BARX2: variants seen among roughly 807,000 people sequenced by gnomAD.
BARX2 encodes the protein homeobox protein BarH-like 2.
Under a neutral mutation model 25.5 loss-of-function variants are expected in BARX2, and 11 were observed. The observed-to-expected ratio is 0.43, with a 90% CI of 0.27 to 0.71. The LOEUF (loss-of-function observed/expected upper bound fraction) is 0.71. BARX2 is among the 30% of genes least tolerant of loss of function. BARX2 has a pLI of 0.19. For synonymous variants in BARX2, 137 were observed against 149.5 expected (o/e 0.92, Z 0.61); for missense variants, 360 against 359.9 (o/e 1.00, Z 0.00).
intron 1 of BARX2, among the ~76,000 whole-genome samples, chr11:129,431,759 C>A (rs776116998): frequency 6.6e-6 from 1 of 152,062 alleles, no homozygotes; most frequent in Non-Finnish European, 1.5e-5. Context: ...TTTTACAGAG[C>A]AAAAATTGTT....
At chr11:129,385,473 G>T (rs1301159390) in intron 1 of BARX2, among the ~76,000 whole-genome samples, 1 of 152,118 alleles carries the variant, frequency 6.6e-6, no homozygotes, top group African/African-American at 2.4e-5. Flanking sequence ...TAAAATAAAT[G>T]AACCAGATAC....
intron 1 of BARX2, among the ~76,000 whole-genome samples, chr11:129,380,124 C>G (rs1861547101): frequency 1.3e-5 from 2 of 151,974 alleles, no homozygotes; most frequent in African/African-American, 4.8e-5. Context: ...ATGCCACTCT[C>G]CTCCTTGTCA....
chr11:129,414,222 G>A (rs558684932), intron 1 of BARX2, among the ~76,000 whole-genome samples: 90 of 150,494 alleles, frequency 6.0e-4, no homozygotes, highest in African/African-American at 2.0e-3. Flanking sequence ...GGCAAATTGT[G>A]ATTTTTTTCT....
At chr11:129,405,983 G>T (rs961101561) in intron 1 of BARX2, among the ~76,000 whole-genome samples, 1 of 152,038 alleles carries the variant, frequency 6.6e-6, no homozygotes, top group African/African-American at 2.4e-5. Context: ...TTGCTTTATA[G>T]GTACCTATGT....
intron 1 of BARX2, among the ~76,000 whole-genome samples, chr11:129,388,626 G>A (rs568872430): frequency 8.5e-5 from 13 of 152,276 alleles, no homozygotes; most frequent in East Asian, 3.9e-4. Context: ...ATGTCTGGTC[G>A]TTGATTGGCA....
chr11:129,388,093 C>CTG (rs34835803), intron 1 of BARX2, among the ~76,000 whole-genome samples: 115,700 of 146,892 alleles, frequency 0.79, 45,086 homozygotes, highest in East Asian at 0.83. Flanking sequence ...AGGCAACATA[C>CTG]TGTGTGTGTG....
chr11:129,438,239 TTGAAC>T (rs1862215589), intron 2 of BARX2: 1 of 150,866 alleles, frequency 6.6e-6, no homozygotes, highest in Non-Finnish European at 1.5e-5. Flanking sequence ...AGAGAATTGC[TTGAAC>T]CCAGGAGGTG....
intron 2 of BARX2, among the ~76,000 whole-genome samples, chr11:129,440,883 C>T (rs556170156): frequency 1.3e-5 from 2 of 152,340 alleles, no homozygotes; most frequent in Non-Finnish European, 2.9e-5. Flanking sequence ...TCACAGACGG[C>T]AATCCTCAGA....
At chr11:129,440,088 G>A (rs548288344) in intron 2 of BARX2, among the ~76,000 whole-genome samples, 3 of 152,078 alleles carry the variant, frequency 2.0e-5, no homozygotes, top group African/African-American at 2.4e-5. Context: ...GCCTCCCTAC[G>A]TGACCAGGGC....
intron 1 of BARX2, among the ~76,000 whole-genome samples, chr11:129,380,367 T>G (rs1861549711): frequency 6.6e-6 from 1 of 152,102 alleles, no homozygotes; most frequent in Admixed American, 6.5e-5. Flanking sequence ...TTGGGTGTCA[T>G]CCCAGCAAAA....
At chr11:129,437,323 T>A (rs1862203559) in intron 2 of BARX2, 8 of 591,394 alleles carry the variant, frequency 1.4e-5, no homozygotes, top group Non-Finnish European at 1.9e-5. Context: ...ATAAACAAGG[T>A]CCAGTTTAGC....
chr11:129,400,318 C>A (rs938276019), intron 1 of BARX2, among the ~76,000 whole-genome samples: 6 of 151,966 alleles, frequency 3.9e-5, no homozygotes, highest in Admixed American at 2.0e-4. Flanking sequence ...ATAAGCATGG[C>A]GGCACCATGG....
chr11:129,383,021 G>A lies in BARX2; in HGVS notation c.187+6799G>A, dbSNP rs528205810. On this transcript the variant is annotated intron_variant, in intron 1 of 3. Coordinates refer to ENST00000281437, the MANE Select transcript of BARX2 (RefSeq NM_003658.5). ...GGTAGTTTCTTTCCACAGCACAGATGGCAAAATCAGAATTCACGTTAGGAT... is the reference window on the plus strand; with the variant it reads ...GGTAGTTTCTTTCCACAGCACAGATAGCAAAATCAGAATTCACGTTAGGAT... 2.6e-5 allele frequency among the ~76,000 whole-genome samples: 4 copies of A among 152,306 alleles called. No homozygotes were observed. In the South Asian group the frequency reaches 8.3e-4, roughly 32 times the overall value.
intron 1 of BARX2, among the ~76,000 whole-genome samples, chr11:129,412,099 C>T (rs1170528040): frequency 2.0e-5 from 3 of 151,888 alleles, no homozygotes; most frequent in South Asian, 2.1e-4. Flanking sequence ...GGTGAAACCC[C>T]GTCTCTACTA....
At chr11:129,408,950 C>G (rs1332164281) in intron 1 of BARX2, among the ~76,000 whole-genome samples, 1 of 152,082 alleles carries the variant, frequency 6.6e-6, no homozygotes, top group African/African-American at 2.4e-5. Context: ...GAACTTGAAC[C>G]CTAAGAGATG....
At chr11:129,439,906 CAG>C (rs986658035) in intron 2 of BARX2, among the ~76,000 whole-genome samples, 2 of 138,114 alleles carry the variant, frequency 1.4e-5, no homozygotes, top group Middle Eastern at 7.5e-3. Flanking sequence ...TTTCAGAAGT[CAG>C]AGAATTTTTT....
chr11:129,422,401 T>C (rs1163488640), intron 1 of BARX2, among the ~76,000 whole-genome samples: 1 of 152,136 alleles, frequency 6.6e-6, no homozygotes, highest in Non-Finnish European at 1.5e-5. Context: ...TCGGTTCAAG[T>C]GATCCTCCTG....
intron 1 of BARX2, among the ~76,000 whole-genome samples, chr11:129,412,759 G>C (rs116509844): frequency 3.3e-5 from 5 of 152,110 alleles, no homozygotes; most frequent in East Asian, 1.9e-4. Context: ...CTTCTGTCTC[G>C]GCCCTGTTGC....
intron 1 of BARX2, among the ~76,000 whole-genome samples, chr11:129,434,566 A>G (rs1291295152): frequency 6.6e-6 from 1 of 151,992 alleles, no homozygotes; most frequent in Non-Finnish European, 1.5e-5. Flanking sequence ...AGTACTTTTT[A>G]ATGGTTACAT....
Sources: gnomAD v4.1 joint callset for allele counts (sites outside exome capture counted in the v4.1 genomes callset) on GRCh38, gnomAD v4.1.1 for gene constraint, MANE v1.5 for transcripts, NCBI Gene and HGNC (gene_info 2026-07-23, HGNC 2026-07-21) for gene names.